KIRREL3: variants seen among roughly 807,000 people sequenced by gnomAD.
KIRREL3 encodes the protein kin of IRRE-like protein 3.
Under a neutral mutation model 89.7 loss-of-function variants are expected in KIRREL3, and 36 were observed. The ratio of observed to expected loss-of-function variants is 0.40; its 90% CI spans 0.31 to 0.53. KIRREL3 has a LOEUF of 0.53. KIRREL3 is among the 20% of genes least tolerant of loss of function. KIRREL3 has a pLI of 0.49. For synonymous variants in KIRREL3, 445 were observed against 441.4 expected (o/e 1.01, Z -0.10); for missense variants, 864 against 1,056.6 (o/e 0.82, Z 2.53).
rs577486908 is a variant in KIRREL3 at position 126,995,447 on chromosome 11, G to A, written c.55+5008C>T. The A allele has an allele frequency of 1.8e-5, 7 of 399,294 alleles. No individual in the cohort carries two copies. Among genetic ancestry groups the A allele is most frequent in the African/African-American group, 6.3e-5 (3 of 47,742 alleles). The allele number at this position is 399,294 out of a possible 1,614,324, so 24.7% of individuals were successfully genotyped here. A position where few individuals can be genotyped will look rare whatever the true frequency, so the allele number is the denominator to read the frequency against. On this transcript the variant is annotated intron_variant, in intron 1 of 16. Transcript: ENST00000525144. The surrounding 1 kb of genome is among the most constrained non-coding windows in gnomAD (Gnocchi z 6.5). ...TCTTGATGGACCCCAATAAAAAAAC[G>A]CCTGCACTGTTTTTCACCTAAGGTC... is the stretch of plus-strand genomic sequence containing the variant.
In KIRREL3 at chr11:126,752,123, AC is replaced by A. The variant is rs1276788519; in HGVS notation, c.56-189212del. On this transcript the variant is annotated intron_variant, in intron 1 of 16. Coordinates refer to ENST00000525144, the MANE Select transcript of KIRREL3 (RefSeq NM_032531.4). The surrounding 1 kb of genome is among the most constrained non-coding windows in gnomAD (Gnocchi z 4.8). The stretch of plus-strand genomic sequence containing the variant: ...TCAGCTTTTTCTTTGCAAAATAGGA[AC>A]AATGATGATACCTGTCCCTGAGTTA... Among the ~76,000 whole-genome samples, 1 of 152,204 alleles carries A rather than the reference AC, an allele frequency of 6.6e-6. No individual in the cohort carries two copies. The highest frequency in any genetic ancestry group is 2.1e-4 in the South Asian group (1 of 4,826).
intron 9 of KIRREL3, among the ~76,000 whole-genome samples, chr11:126,446,046 G>A (rs1955784856): frequency 6.6e-6 from 1 of 151,680 alleles, no homozygotes; most frequent in Non-Finnish European, 1.5e-5. Flanking sequence ...TACTCAGGAG[G>A]CTGAGGCAGG....
chr11:126,488,978 G>A (rs1011826040), intron 4 of KIRREL3, among the ~76,000 whole-genome samples: 5 of 152,164 alleles, frequency 3.3e-5, no homozygotes, highest in Non-Finnish European at 5.9e-5. Context: ...TCTCTCCTCC[G>A]AGACTGCGCT....
intron 1 of KIRREL3, among the ~76,000 whole-genome samples, chr11:126,644,698 C>T (rs2134945541): frequency 6.6e-6 from 1 of 152,248 alleles, no homozygotes; most frequent in East Asian, 1.9e-4. Flanking sequence ...GGGCAAATTG[C>T]TGAAATTGAA....
rs1409853599 is a variant in KIRREL3, at chr11:126,844,131, T to C, written c.55+156324A>G. Among the ~76,000 whole-genome samples the C allele has an allele frequency of 6.6e-6, 1 of 152,168 alleles. No homozygotes were observed. Among genetic ancestry groups the C allele is most frequent in the Non-Finnish European group, 1.5e-5 (1 of 68,028 alleles). On this transcript the variant is annotated intron_variant, in intron 1 of 16. Transcript: ENST00000525144. The surrounding 1 kb of genome is among the most constrained non-coding windows in gnomAD (Gnocchi z 4.8). Reference sequence around the variant, plus strand: ...ATGGGGACCCCTTTCCAGTAACATCTTCCTGGTAACCCAGGTGGGACAATA... The same window carrying C: ...ATGGGGACCCCTTTCCAGTAACATCCTCCTGGTAACCCAGGTGGGACAATA...
intron 1 of KIRREL3, among the ~76,000 whole-genome samples, chr11:126,720,552 C>T (rs913174715): frequency 1.3e-5 from 2 of 152,224 alleles, no homozygotes; most frequent in African/African-American, 4.8e-5. Flanking sequence ...TTGCAAAAAA[C>T]AAAATTACTT....
intron 1 of KIRREL3, among the ~76,000 whole-genome samples, chr11:126,650,732 A>T (rs1257470024): frequency 1.3e-5 from 2 of 152,100 alleles, no homozygotes; most frequent in Non-Finnish European, 1.5e-5. Context: ...TGGGCCCTCT[A>T]ACCTCTCCCT....
intron 1 of KIRREL3, among the ~76,000 whole-genome samples, chr11:126,979,397 A>G (rs553297355): frequency 2.7e-4 from 41 of 152,354 alleles, no homozygotes; most frequent in Admixed American, 4.6e-4. Context: ...CTATTAACAT[A>G]TAACAGCTAC....
At chr11:126,939,922 G>C (rs1244076291) in intron 1 of KIRREL3, among the ~76,000 whole-genome samples, 1 of 152,086 alleles carries the variant, frequency 6.6e-6, no homozygotes, top group Non-Finnish European at 1.5e-5. Flanking sequence ...GGGGCCTTGG[G>C]ACAATCATTA....
At position 126,993,405 on chromosome 11, in the gene KIRREL3, A is replaced by G. The variant is rs1401490578; in HGVS notation, c.55+7050T>C. Among the ~76,000 whole-genome samples the G allele has an allele frequency of 2.6e-5, 4 of 152,214 alleles. No homozygotes were observed. The East Asian group carries it at 7.7e-4, about 29-fold the overall frequency. ...TTTGTATTTGCATACACTGTAAGGT[A>G]TGTAAGAGACTGGAAATCGCTTTTC... On this transcript the variant is annotated intron_variant, in intron 1 of 16. Coordinates refer to ENST00000525144, the MANE Select transcript of KIRREL3 (RefSeq NM_032531.4). This position sits in a 1 kb window ranked among gnomAD's most constrained non-coding sequence, Gnocchi z 6.1.
intron 1 of KIRREL3, among the ~76,000 whole-genome samples, chr11:126,586,672 A>T (rs1483764651): frequency 2.0e-5 from 3 of 152,096 alleles, no homozygotes. Context: ...ACAACGCCAC[A>T]TCAAGCCTCA....
At chr11:126,472,711 A>G (rs1956929801) in intron 5 of KIRREL3, among the ~76,000 whole-genome samples, 1 of 151,764 alleles carries the variant, frequency 6.6e-6, no homozygotes, top group African/African-American at 2.4e-5. Flanking sequence ...GAGGAGAGAG[A>G]GAGAGAGAGA....
In KIRREL3 at chr11:126,527,384, C is replaced by T. The variant is rs954424572; in HGVS notation, c.134-697G>A. Among the ~76,000 whole-genome samples, 5 of 152,106 alleles carry T rather than the reference C, an allele frequency of 3.3e-5. No homozygotes were observed. Among genetic ancestry groups the T allele is most frequent in the African/African-American group, 1.2e-4 (5 of 41,398 alleles). On this transcript the variant is annotated intron_variant, in intron 2 of 16. Transcript: ENST00000525144. This position sits in a 1 kb window ranked among gnomAD's most constrained non-coding sequence, Gnocchi z 4.2. ...CCATGCCTCCTCAAAACGAGATGGC[C>T]AGAATCATCGAAGAGAGTCAGTTGA...
Position 126,622,297 on chromosome 11 carries a change from A to T in KIRREL3, c.56-59385T>A. ...TCAAGGTGCCTTCTAAATGTTAAAA[A>T]TGGTGACACATTTTATCTCAAGTTG... On this transcript the variant is annotated intron_variant, in intron 1 of 16. Coordinates refer to ENST00000525144, the MANE Select transcript of KIRREL3 (RefSeq NM_032531.4). The surrounding 1 kb of genome is among the most constrained non-coding windows in gnomAD (Gnocchi z 5.2). 6.6e-6 allele frequency among the ~76,000 whole-genome samples: 1 copy of T among 152,268 alleles called. No homozygotes were observed.
chr11:126,431,539 A>G lies in KIRREL3; in HGVS notation c.1589-13T>C. ...ATCGGCACAGACTCTGTGGGAGAGA[A>G]GCGGGCACAGCTGATGACGGATGGG... On this transcript the variant is annotated splice_polypyrimidine_tract_variant and intron_variant, in intron 13 of 16. Coordinates refer to ENST00000525144, the MANE Select transcript of KIRREL3 (RefSeq NM_032531.4). This position sits in a 1 kb window ranked among gnomAD's most constrained non-coding sequence, Gnocchi z 7.1. 6.2e-7 allele frequency: 1 copy of G among 1,610,886 alleles called. No individual in the cohort carries two copies. The highest frequency in any genetic ancestry group is 8.5e-7 in the Non-Finnish European group (1 of 1,177,656).
chr11:126,749,791 A>G (rs572392581), intron 1 of KIRREL3, among the ~76,000 whole-genome samples: 2 of 152,326 alleles, frequency 1.3e-5, no homozygotes, highest in South Asian at 4.2e-4. Context: ...CGGACCCTCA[A>G]CATGTTCAGG....
Position 126,601,815 on chromosome 11 carries a change from C to T in KIRREL3, c.56-38903G>A, listed in dbSNP as rs981000947. ...GCGTCCATTTCTAGGAGCTCCATTCCCTCGTGCCATCTCCCGTTTTTAAGG... is the reference window on the plus strand; with the variant it reads ...GCGTCCATTTCTAGGAGCTCCATTCTCTCGTGCCATCTCCCGTTTTTAAGG... On this transcript the variant is annotated intron_variant, in intron 1 of 16. Coordinates refer to ENST00000525144, the MANE Select transcript of KIRREL3 (RefSeq NM_032531.4). This position sits in a 1 kb window ranked among gnomAD's most constrained non-coding sequence, Gnocchi z 5.8. Among the ~76,000 whole-genome samples, 4 of 152,176 alleles carry T rather than the reference C, an allele frequency of 2.6e-5. No homozygotes were observed. The highest frequency in any genetic ancestry group is 9.7e-5 in the African/African-American group (4 of 41,438).
chr11:126,629,089 C>A (rs539234603), intron 1 of KIRREL3, among the ~76,000 whole-genome samples: 16 of 152,242 alleles, frequency 1.1e-4, no homozygotes, highest in African/African-American at 1.9e-4. Flanking sequence ...CCACCTCCCC[C>A]CAACCCCTGC....
Position 127,000,407 on chromosome 11 carries a change from G to A in KIRREL3, c.55+48C>T, listed in dbSNP as rs759268051. On this transcript the variant is annotated intron_variant, in intron 1 of 16. Coordinates refer to ENST00000525144, the MANE Select transcript of KIRREL3 (RefSeq NM_032531.4). The surrounding 1 kb of genome is among the most constrained non-coding windows in gnomAD (Gnocchi z 7.1). Reference sequence around the variant, plus strand: ...TCCTGCCCACAGCCTCCCGCGCCCTGACAACCCAGCCGACTTTCTTCCAAC... The same window carrying A: ...TCCTGCCCACAGCCTCCCGCGCCCTAACAACCCAGCCGACTTTCTTCCAAC... 17 of 1,538,986 alleles carry A rather than the reference G, an allele frequency of 1.1e-5. No homozygotes were observed. The highest frequency in any genetic ancestry group is 1.9e-5 in the Admixed American group (1 of 51,422).
Sources: gnomAD v4.1 joint callset for allele counts (sites outside exome capture counted in the v4.1 genomes callset) on GRCh38, gnomAD v4.1.1 for gene constraint, Gnocchi (gnomAD v3.1) non-coding constraint, MANE v1.5 for transcripts, NCBI Gene and HGNC (gene_info 2026-07-23, HGNC 2026-07-21) for gene names.